OSBPL10: variants seen among roughly 807,000 people sequenced by gnomAD.
OSBPL10 encodes oxysterol binding protein like 10.
OSBPL10 carries 49 observed loss-of-function variants against 81.7 expected under a neutral mutation model. The ratio of observed to expected loss-of-function variants is 0.60; its 90% CI spans 0.48 to 0.76. The LOEUF (loss-of-function observed/expected upper bound fraction) is 0.76, where lower values mean the gene tolerates loss of function less well. OSBPL10 is among the 30% of genes least tolerant of loss of function. OSBPL10 has a pLI of 0.00. For missense variants in OSBPL10, 923 were observed against 987.8 expected, an observed-to-expected ratio of 0.93 and a Z score of 0.88; for synonymous variants, 419 against 383.6, an observed-to-expected ratio of 1.09 and a Z score of -1.08.
chr3:31,947,804 T>C (rs1447237951), intron 1 of OSBPL10, among the ~76,000 whole-genome samples: 1 of 151,624 alleles, frequency 6.6e-6, no homozygotes, highest in South Asian at 2.1e-4. Context: ...GCGACTCCTA[T>C]GCAAATGAGT....
chr3:31,935,359 C>CT (rs942966869), intron 1 of OSBPL10, among the ~76,000 whole-genome samples: 18 of 151,120 alleles, frequency 1.2e-4, no homozygotes, highest in African/African-American at 2.4e-4. Flanking sequence ...ACATGTTAAA[C>CT]TTTTTTTTTA....
chr3:31,862,119 C>T (rs1462099148), intron 3 of OSBPL10, among the ~76,000 whole-genome samples: 1 of 152,252 alleles, frequency 6.6e-6, no homozygotes, highest in East Asian at 1.9e-4. Context: ...GCATTGCATG[C>T]CTCTATCAAA....
At chr3:31,831,991 GA>G (rs1360425206) in intron 3 of OSBPL10, among the ~76,000 whole-genome samples, 2 of 152,180 alleles carry the variant, frequency 1.3e-5, no homozygotes, top group Admixed American at 6.5e-5. Context: ...GTCAGCATGG[GA>G]CAGGTTAAAT....
intron 2 of OSBPL10, among the ~76,000 whole-genome samples, chr3:32,042,484 T>C (rs1271564092): frequency 6.6e-6 from 1 of 152,196 alleles, no homozygotes; most frequent in Non-Finnish European, 1.5e-5. Flanking sequence ...CCACCTTCAG[T>C]TCCATGGTCA....
intron 2 of OSBPL10, among the ~76,000 whole-genome samples, chr3:32,022,406 A>G (rs1699369710): frequency 6.6e-6 from 1 of 152,186 alleles, no homozygotes; most frequent in Non-Finnish European, 1.5e-5. Context: ...TCATAAATCA[A>G]TACATGGAGG....
At chr3:31,894,207 TC>T (rs946304779) in intron 1 of OSBPL10, among the ~76,000 whole-genome samples, 3 of 152,060 alleles carry the variant, frequency 2.0e-5, no homozygotes, top group African/African-American at 7.2e-5. Context: ...CCAGGAGCGG[TC>T]GGAGTTGGAG....
intron 1 of OSBPL10, among the ~76,000 whole-genome samples, chr3:31,928,765 A>C (rs1461656964): frequency 9.5e-6 from 1 of 105,580 alleles, no homozygotes. Context: ...TTGTCTCCAA[A>C]AAAAAAAAAA....
intron 3 of OSBPL10, among the ~76,000 whole-genome samples, chr3:31,833,705 G>GCGCACACA (rs1553631714): frequency 4.4e-4 from 61 of 138,040 alleles, no homozygotes; most frequent in African/African-American, 8.1e-4. Context: ...ACACGCACAC[G>GCGCACACA]CACACACACA....
chr3:31,876,280 T>G lies in OSBPL10; in HGVS notation c.537+153A>C, dbSNP rs532246588. Among the ~76,000 whole-genome samples the G allele has an allele frequency of 1.1e-4, 16 of 152,318 alleles. No homozygotes were observed. In the South Asian group the frequency reaches 3.3e-3, roughly 32 times the overall value. On this transcript the variant is annotated intron_variant, in intron 3 of 11. Coordinates refer to ENST00000396556, the MANE Select transcript of OSBPL10 (RefSeq NM_017784.5). ...AAATCTTACTACATTTCTCCTGGCT[T>G]TAAATTTATGTGCAGCAGGACAAGT...
chr3:31,823,878 G>T (rs1198953213), intron 4 of OSBPL10, among the ~76,000 whole-genome samples: 1 of 150,480 alleles, frequency 6.6e-6, no homozygotes, highest in East Asian at 2.0e-4. Flanking sequence ...GTGAAATGGA[G>T]TTTGGCTCTA....
At chr3:31,988,880 G>T in intron 2 of OSBPL10, 1 of 652,598 alleles carries the variant, frequency 1.5e-6, no homozygotes, top group Non-Finnish European at 2.6e-6. Context: ...CTACAACCCA[G>T]AGAGACACTG....
intron 4 of OSBPL10, among the ~76,000 whole-genome samples, chr3:31,794,232 C>T (rs764990403): frequency 7.2e-5 from 11 of 152,236 alleles, no homozygotes; most frequent in Admixed American, 2.0e-4. Context: ...GTAACCTCTA[C>T]CTCCTGGGTT....
intron 4 of OSBPL10, among the ~76,000 whole-genome samples, chr3:31,810,087 T>C (rs1012956062): frequency 1.3e-5 from 2 of 151,982 alleles, no homozygotes; most frequent in Non-Finnish European, 2.9e-5. Context: ...GTCAGGCTGG[T>C]CTCGAACTCC....
At chr3:31,951,065 C>A (rs1394122244) in intron 1 of OSBPL10, among the ~76,000 whole-genome samples, 2 of 152,212 alleles carry the variant, frequency 1.3e-5, no homozygotes, top group Admixed American at 6.5e-5. Context: ...CAAGGAAATT[C>A]TTGCGTGTGT....
rs557933163 is a variant in OSBPL10, at chr3:31,757,579, C to T, written c.730-9459G>A. ...CTTTGTCTGTGGTACTTTGTTAATGCAGTACTAGTAAACTAAGAAACACAT... is the reference window on the plus strand; with the variant it reads ...CTTTGTCTGTGGTACTTTGTTAATGTAGTACTAGTAAACTAAGAAACACAT... On this transcript the variant is annotated intron_variant, in intron 4 of 11. Transcript: ENST00000396556. Among the ~76,000 whole-genome samples, 29 of 152,330 alleles carry T rather than the reference C, an allele frequency of 1.9e-4. 2 individuals are homozygous for T. In the East Asian group the frequency reaches 1.9e-3, roughly 10 times the overall value.
At chr3:32,037,854 T>C (rs1699535014) in intron 2 of OSBPL10, among the ~76,000 whole-genome samples, 1 of 152,086 alleles carries the variant, frequency 6.6e-6, no homozygotes, top group South Asian at 2.1e-4. Context: ...GCTCACTGCT[T>C]CATGGAGGAG....
chr3:32,075,431 C>A (rs111427683), intron 1 of OSBPL10, among the ~76,000 whole-genome samples: 3,400 of 152,268 alleles, frequency 0.022, 134 homozygotes, highest in African/African-American at 0.078. Flanking sequence ...CCTGGGTACT[C>A]CCAACTCTTA....
At chr3:31,815,875 G>A (rs1297557282) in intron 4 of OSBPL10, among the ~76,000 whole-genome samples, 2 of 152,094 alleles carry the variant, frequency 1.3e-5, no homozygotes, top group Admixed American at 6.5e-5. Context: ...CGAGCCTTAG[G>A]GCACTTGTCG....
intron 1 of OSBPL10, among the ~76,000 whole-genome samples, chr3:32,050,641 G>A (rs1413158114): frequency 6.7e-6 from 1 of 150,180 alleles, no homozygotes; most frequent in Non-Finnish European, 1.5e-5. Context: ...CTAAAGTCAG[G>A]TAATAAGAGA....
Sources: gnomAD v4.1 joint callset for allele counts (sites outside exome capture counted in the v4.1 genomes callset) on GRCh38, gnomAD v4.1.1 for gene constraint, MANE v1.5 for transcripts, NCBI Gene and HGNC (gene_info 2026-07-23, HGNC 2026-07-21) for gene names.